The following CNTNAP5 variants were observed in gnomAD, a reference collection of about 807,000 sequenced individuals.
The protein encoded by CNTNAP5 is contactin associated protein family member 5, also known as contactin-associated protein-like 5.
CNTNAP5 carries 72 observed loss-of-function variants against 150.2 expected under a neutral mutation model. The ratio of observed to expected loss-of-function variants is 0.48; its 90% CI spans 0.40 to 0.58. The LOEUF is 0.58. CNTNAP5 is among the 20% of genes least tolerant of loss of function. The pLI, the probability that CNTNAP5 is intolerant of heterozygous loss-of-function variation, is 0.00. For synonymous variants in CNTNAP5, 672 were observed against 619.8 expected (o/e 1.08, Z -1.25); for missense variants, 1,636 against 1,626.2 (o/e 1.01, Z -0.10).
chr2:124,656,073 A>G (rs1678451240), intron 13 of CNTNAP5, among the ~76,000 whole-genome samples: 1 of 151,976 alleles, frequency 6.6e-6, no homozygotes, highest in Non-Finnish European at 1.5e-5. Context: ...AAAAAAAAAA[A>G]AAAGAAAAAG....
At chr2:124,819,238 T>A (rs1202220055) in intron 19 of CNTNAP5, among the ~76,000 whole-genome samples, 3 of 152,176 alleles carry the variant, frequency 2.0e-5, no homozygotes, top group Non-Finnish European at 4.4e-5. Context: ...ACAGATGTTG[T>A]CCTTTGTAGC....
intron 19 of CNTNAP5, among the ~76,000 whole-genome samples, chr2:124,851,214 A>G (rs1683147440): frequency 6.6e-6 from 1 of 151,994 alleles, no homozygotes. Context: ...AAATCAGCTG[A>G]GTGTGGTGAC....
At chr2:124,316,931 A>C (rs1428320350) in intron 3 of CNTNAP5, among the ~76,000 whole-genome samples, 2 of 152,224 alleles carry the variant, frequency 1.3e-5, no homozygotes, top group South Asian at 2.1e-4. Flanking sequence ...GTCACACACA[A>C]AAAAAACTGT....
chr2:124,653,003 A>G (rs1001098927), intron 13 of CNTNAP5, among the ~76,000 whole-genome samples: 8 of 152,204 alleles, frequency 5.3e-5, no homozygotes, highest in African/African-American at 1.9e-4. Flanking sequence ...ATTTTTCTGA[A>G]CAGAAAGCAT....
intron 1 of CNTNAP5, among the ~76,000 whole-genome samples, chr2:124,151,167 G>T (rs1030665892): frequency 1.5e-4 from 23 of 152,218 alleles, no homozygotes; most frequent in Non-Finnish European, 3.1e-4. Context: ...TGAGTACAAG[G>T]GAGAAACAGT....
intron 1 of CNTNAP5, among the ~76,000 whole-genome samples, chr2:124,092,970 G>C (rs930809042): frequency 2.0e-5 from 3 of 152,174 alleles, no homozygotes; most frequent in Non-Finnish European, 4.4e-5. Context: ...ATAACAAAGA[G>C]AAGTTCATGG....
intron 3 of CNTNAP5, among the ~76,000 whole-genome samples, chr2:124,344,360 T>TA (rs939822822): frequency 3.1e-4 from 46 of 146,940 alleles, no homozygotes; most frequent in South Asian, 6.4e-4. Context: ...CTGTAAAATT[T>TA]AAAAAAAAAA....
chr2:124,640,760 C>A (rs527769075), intron 12 of CNTNAP5, among the ~76,000 whole-genome samples: 3 of 152,066 alleles, frequency 2.0e-5, no homozygotes, highest in Non-Finnish European at 4.4e-5. Context: ...CACATCCTCC[C>A]GGCTTCGCTT....
chr2:124,902,765 A>C (rs568766478), intron 21 of CNTNAP5, 117 bp from the exon 22 acceptor site: 2 of 644,344 alleles, frequency 3.1e-6, no homozygotes, highest in South Asian at 2.5e-5. Flanking sequence ...GGTTTTCTTT[A>C]CTCAAACAAT....
At chr2:124,174,299 G>T (rs753205087) in intron 1 of CNTNAP5, among the ~76,000 whole-genome samples, 1 of 152,074 alleles carries the variant, frequency 6.6e-6, no homozygotes, top group South Asian at 2.1e-4. Context: ...TAAAAAATAC[G>T]TGTTGTAAGG....
intron 1 of CNTNAP5, among the ~76,000 whole-genome samples, chr2:124,121,234 A>G (rs1013637986): frequency 5.3e-5 from 8 of 151,956 alleles, no homozygotes; most frequent in African/African-American, 1.7e-4. Flanking sequence ...ATAAGTGAAC[A>G]CCCTTACTAC....
chr2:124,635,473 G>A (rs1677952897), intron 12 of CNTNAP5, among the ~76,000 whole-genome samples: 1 of 152,170 alleles, frequency 6.6e-6, no homozygotes, highest in African/African-American at 2.4e-5. Context: ...AGGGAAACCG[G>A]AGGAAAGACA....
At chr2:124,813,855 T>C (rs1682292125) in intron 19 of CNTNAP5, among the ~76,000 whole-genome samples, 1 of 151,952 alleles carries the variant, frequency 6.6e-6, no homozygotes, top group African/African-American at 2.4e-5. Flanking sequence ...ATCTATTCAA[T>C]TCTTTATACA....
At chr2:124,656,480 A>T (rs1487457503) in intron 13 of CNTNAP5, among the ~76,000 whole-genome samples, 1 of 152,248 alleles carries the variant, frequency 6.6e-6, no homozygotes, top group African/African-American at 2.4e-5. Flanking sequence ...AGCCAAAGCC[A>T]TCTTTCCTAA....
chr2:124,101,190 TACATA>T (rs968862410), intron 1 of CNTNAP5, among the ~76,000 whole-genome samples: 9 of 152,216 alleles, frequency 5.9e-5, no homozygotes, highest in Non-Finnish European at 7.3e-5. Context: ...TTTAATCACT[TACATA>T]AGATGTAGAT....
At chr2:124,150,763 C>G (rs1272723988) in intron 1 of CNTNAP5, among the ~76,000 whole-genome samples, 1 of 152,098 alleles carries the variant, frequency 6.6e-6, no homozygotes, top group Non-Finnish European at 1.5e-5. Context: ...CCCTGGTGAC[C>G]TAATCACCTC....
At chr2:124,911,276 G>A (rs1678649136) in intron 22 of CNTNAP5, among the ~76,000 whole-genome samples, 191 bp from the exon 23 acceptor site, 2 of 151,956 alleles carry the variant, frequency 1.3e-5, no homozygotes, top group African/African-American at 4.8e-5. Context: ...GAACTATGGG[G>A]TGTGAGCAGT....
At chr2:124,045,127 G>T (rs1681492151) in intron 1 of CNTNAP5, among the ~76,000 whole-genome samples, 1 of 152,046 alleles carries the variant, frequency 6.6e-6, no homozygotes, top group Non-Finnish European at 1.5e-5. Context: ...TGATATCAAT[G>T]AATTCACTGT....
At chr2:124,385,292 A>G (rs1690900121) in intron 3 of CNTNAP5, among the ~76,000 whole-genome samples, 1 of 152,178 alleles carries the variant, frequency 6.6e-6, no homozygotes, top group Non-Finnish European at 1.5e-5. Flanking sequence ...AACATAATCT[A>G]ATAGTGAATA....
Sources: gnomAD v4.1 joint callset for allele counts (sites outside exome capture counted in the v4.1 genomes callset) on GRCh38, gnomAD v4.1.1 for gene constraint, MANE v1.5 for transcripts, NCBI Gene and HGNC (gene_info 2026-07-23, HGNC 2026-07-21) for gene names.